PTPRD: variants seen among roughly 807,000 people sequenced by gnomAD.
PTPRD encodes the protein receptor-type tyrosine-protein phosphatase delta.
A neutral mutation model predicts 214.5 loss-of-function variants in PTPRD; 34 were observed. The observed-to-expected ratio is 0.16, with a 90% confidence interval of 0.12 to 0.21. The LOEUF is 0.21. Among genes scored for constraint, PTPRD ranks in the 10% least tolerant of loss-of-function variants. The pLI is 1.00. For missense variants in PTPRD, 2,545 were observed against 2,398.7 expected, an observed-to-expected ratio of 1.06 and a Z score of -1.27; for synonymous variants, 1,128 against 845.7, an observed-to-expected ratio of 1.33 and a Z score of -5.79.
chr9:8,544,048 T>C (rs1488852812), intron 14 of PTPRD, among the ~76,000 whole-genome samples: 1 of 151,942 alleles, frequency 6.6e-6, no homozygotes, highest in Non-Finnish European at 1.5e-5. Flanking sequence ...ATGGATATCA[T>C]AGCCCACCAT....
intron 5 of PTPRD, among the ~76,000 whole-genome samples, chr9:9,921,542 T>G (rs1444419402): frequency 6.6e-6 from 1 of 151,636 alleles, no homozygotes; most frequent in Non-Finnish European, 1.5e-5. Flanking sequence ...GGTCTTAAGA[T>G]GAAATAGAGT....
At chr9:9,072,011 G>C (rs527732154) in intron 10 of PTPRD, among the ~76,000 whole-genome samples, 68 of 152,178 alleles carry the variant, frequency 4.5e-4, no homozygotes, top group African/African-American at 1.6e-3. Flanking sequence ...AGTCATATCA[G>C]AGCTCCTGCC....
intron 12 of PTPRD, among the ~76,000 whole-genome samples, chr9:8,697,237 G>A (rs922686289): frequency 2.6e-5 from 4 of 151,910 alleles, no homozygotes; most frequent in East Asian, 3.9e-4. Context: ...GGAGAAAAGG[G>A]CTTTTACATT....
intron 14 of PTPRD, among the ~76,000 whole-genome samples, chr9:8,554,778 G>A (rs1306671410): frequency 6.6e-6 from 1 of 152,164 alleles, no homozygotes; most frequent in East Asian, 1.9e-4. Context: ...AGCTGTCAGA[G>A]AAATATATGA....
intron 12 of PTPRD, among the ~76,000 whole-genome samples, chr9:8,661,017 C>G (rs2097034651): frequency 6.6e-6 from 1 of 152,044 alleles, no homozygotes; most frequent in Admixed American, 6.6e-5. Context: ...GAGCTTGTAT[C>G]ATTTCCCTTT....
chr9:9,632,402 T>G (rs1233791431), intron 7 of PTPRD, among the ~76,000 whole-genome samples: 1 of 151,962 alleles, frequency 6.6e-6, no homozygotes, highest in African/African-American at 2.4e-5. Flanking sequence ...ATAGCCAGAG[T>G]TGGGGAGGAG....
At chr9:9,346,621 A>G (rs1315294896) in intron 9 of PTPRD, among the ~76,000 whole-genome samples, 1 of 152,022 alleles carries the variant, frequency 6.6e-6, no homozygotes, top group Admixed American at 6.6e-5. Context: ...GCACTCTATA[A>G]CTCTATGTTT....
intron 3 of PTPRD, among the ~76,000 whole-genome samples, chr9:10,092,515 T>C (rs1052654138): frequency 8.6e-5 from 13 of 151,418 alleles, no homozygotes; most frequent in African/African-American, 3.1e-4. Flanking sequence ...CCAAAATGTG[T>C]CCTACAAAAA....
intron 6 of PTPRD, among the ~76,000 whole-genome samples, chr9:9,766,187 C>G (rs561856056): frequency 6.6e-6 from 1 of 152,146 alleles, no homozygotes; most frequent in Non-Finnish European, 1.5e-5. Context: ...TCTTTTATAA[C>G]TCAGTTATAG....
At chr9:8,579,346 T>C (rs1375290753) in intron 14 of PTPRD, among the ~76,000 whole-genome samples, 1 of 152,214 alleles carries the variant, frequency 6.6e-6, no homozygotes, top group East Asian at 1.9e-4. Flanking sequence ...AGAAAAGATA[T>C]AATAAAAGTA....
At chr9:8,830,950 A>T (rs2097276670) in intron 11 of PTPRD, among the ~76,000 whole-genome samples, 1 of 152,282 alleles carries the variant, frequency 6.6e-6, no homozygotes, top group South Asian at 2.1e-4. Context: ...TTTAGTATGA[A>T]GTTTATATTT....
chr9:9,336,916 T>A (rs751068257), intron 9 of PTPRD, among the ~76,000 whole-genome samples: 6 of 152,206 alleles, frequency 3.9e-5, no homozygotes, highest in Non-Finnish European at 7.3e-5. Context: ...ATGCTGTTCA[T>A]TTGACAGAAT....
chr9:10,276,589 G>T (rs184014976), intron 3 of PTPRD, among the ~76,000 whole-genome samples: 3 of 152,138 alleles, frequency 2.0e-5, no homozygotes, highest in African/African-American at 7.2e-5. Context: ...AGTCATAGTA[G>T]ATAAAGATAT....
chr9:8,439,330 C>A (rs1425662658), intron 34 of PTPRD, among the ~76,000 whole-genome samples: 1 of 152,108 alleles, frequency 6.6e-6, no homozygotes, highest in Non-Finnish European at 1.5e-5. Context: ...AATTCAAGAG[C>A]CATTCTCTTC....
intron 15 of PTPRD, 77 bp downstream of exon 15, chr9:8,528,514 A>T: frequency 8.0e-7 from 1 of 1,257,738 alleles, no homozygotes; most frequent in Non-Finnish European, 1.1e-6. Context: ...AAATAAATTA[A>T]AATTAAAAAT....
At chr9:9,553,148 G>A (rs779523629) in intron 8 of PTPRD, among the ~76,000 whole-genome samples, 7 of 151,932 alleles carry the variant, frequency 4.6e-5, no homozygotes, top group South Asian at 2.1e-4. Flanking sequence ...TACTGCAGTC[G>A]CCTGCTCCTA....
intron 8 of PTPRD, among the ~76,000 whole-genome samples, chr9:9,503,925 T>G (rs1211094682): frequency 1.3e-5 from 2 of 151,796 alleles, no homozygotes; most frequent in Non-Finnish European, 2.9e-5. Flanking sequence ...TGTCCAACCT[T>G]GGAATGGTGC....
chr9:8,870,559 T>G (rs887299704), intron 11 of PTPRD, among the ~76,000 whole-genome samples: 1 of 152,166 alleles, frequency 6.6e-6, no homozygotes, highest in Admixed American at 6.5e-5. Flanking sequence ...CCCTCGTGTG[T>G]AACAACCCTC....
chr9:8,594,860 CTTTT>C (rs55766168), intron 14 of PTPRD, among the ~76,000 whole-genome samples: 5 of 130,570 alleles, frequency 3.8e-5, no homozygotes, highest in Admixed American at 7.7e-5. Flanking sequence ...TGTTTAACCC[CTTTT>C]TTTTTTTTTT....
Sources: allele counts gnomAD v4.1 joint callset (sites outside exome capture counted in the v4.1 genomes callset), GRCh38; gene constraint gnomAD v4.1.1; transcripts MANE v1.5; gene names NCBI Gene and HGNC (gene_info 2026-07-23, HGNC 2026-07-21).